Variants in PRDM1 observed in about 807,000 individuals in gnomAD.
The protein encoded by PRDM1 is PR/SET domain 1, also known as PR domain zinc finger protein 1.
Under a neutral mutation model 62.8 loss-of-function variants are expected in PRDM1, and 13 were observed. That is an observed-to-expected ratio of 0.21 (90% CI 0.13 to 0.33). The LOEUF (loss-of-function observed/expected upper bound fraction) is 0.33. PRDM1 is among the 10% of genes least tolerant of loss of function. PRDM1 has a pLI of 1.00. For synonymous variants in PRDM1, 396 were observed against 417.6 expected (o/e 0.95, Z 0.63); for missense variants, 895 against 1,058.8 (o/e 0.85, Z 2.15).
chr6:106,085,555 C>G (rs76023434), upstream of PRDM1, among the ~76,000 whole-genome samples: 3,782 of 152,240 alleles, frequency 0.025, 73 homozygotes, highest in Middle Eastern at 0.058. Context: ...ACTGACTGGG[C>G]TGGAGGAAAA....
chr6:106,069,865 A>G (rs1208419011), intron 1 of PRDM1, among the ~76,000 whole-genome samples: 1 of 152,108 alleles, frequency 6.6e-6, no homozygotes, highest in East Asian at 1.9e-4. Context: ...CTGTGTGTGC[A>G]TTTTTCACCT....
chr6:106,095,770 T>C lies in PRDM1; in HGVS notation c.411+36T>C, dbSNP rs1035464490. 4 of 1,608,018 alleles carry C rather than the reference T, an allele frequency of 2.5e-6. No individual in the cohort carries two copies. The South Asian group carries it at 4.4e-5, about 18-fold the overall frequency. On this transcript the variant is annotated intron_variant, in intron 3 of 6. Coordinates refer to ENST00000369096, the MANE Select transcript of PRDM1 (RefSeq NM_001198.4). ...GAAATTTCTTCAGACCCATTAAATG[T>C]TAGGAAAAAATGGAGCTAAAAGAGC...
intron 2 of PRDM1, 128 bp from the exon 3 acceptor site, chr6:106,095,487 C>G: frequency 9.6e-7 from 1 of 1,046,194 alleles, no homozygotes; most frequent in South Asian, 1.7e-5. Flanking sequence ...TCATTAATGT[C>G]TGTTTACTTA....
intron 1 of PRDM1, among the ~76,000 whole-genome samples, chr6:106,076,319 G>A (rs1773605632): frequency 6.6e-6 from 1 of 152,068 alleles, no homozygotes; most frequent in Non-Finnish European, 1.5e-5. Context: ...TGAAGTCTTA[G>A]GTGGCACTAA....
At chr6:106,076,672 G>A (rs1477284414) in intron 1 of PRDM1, among the ~76,000 whole-genome samples, 1 of 152,160 alleles carries the variant, frequency 6.6e-6, no homozygotes, top group African/African-American at 2.4e-5. Flanking sequence ...TACTTAAGAT[G>A]TACAACTGTT....
At chr6:106,068,149 T>C (rs2114598620) in intron 1 of PRDM1, among the ~76,000 whole-genome samples, 1 of 151,790 alleles carries the variant, frequency 6.6e-6, no homozygotes, top group South Asian at 2.1e-4. Flanking sequence ...TGAAGTGCAA[T>C]GGTGTGATCT....
rs60217130 is a variant in PRDM1 at position 106,107,677 on chromosome 6, C to CATATAT, written c.*208_*213dup. 12,453 of 197,880 alleles carry CATATAT rather than the reference C, an allele frequency of 0.063. 917 individuals carry two copies. The highest frequency in any genetic ancestry group is 0.2 in the African/African-American group (8,240 of 40,906). 12.3% of individuals were successfully genotyped at this position (197,880 alleles called of 1,614,324 possible). ...CTCAGGGCATGAACAAGGCAAAGGC[C>CATATAT]ATATATATATATATATATATATCTG... On this transcript the variant is annotated 3_prime_UTR_variant, in exon 7 of 7. Transcript: ENST00000369096.
rs1773860472 is a variant in PRDM1 at position 106,088,186 on chromosome 6, T to G, written c.43-15T>G. ...CGGGACAATGGGGATTAAAGGCCTT[T>G]CCTTTCTCTTCCAGGCTGCCCCCAA... On this transcript the variant is annotated splice_polypyrimidine_tract_variant and intron_variant, in intron 1 of 6. Transcript: ENST00000369096. 6.3e-7 allele frequency: 1 copy of G among 1,580,944 alleles called. No individual in the cohort carries two copies. Among genetic ancestry groups the G allele is most frequent in the South Asian group, 1.1e-5 (1 of 87,964 alleles).
At chr6:106,096,588 T>A (rs963433394) in intron 3 of PRDM1, among the ~76,000 whole-genome samples, 5 of 152,222 alleles carry the variant, frequency 3.3e-5, no homozygotes, top group Non-Finnish European at 7.3e-5. Flanking sequence ...GACAATAGGT[T>A]AATTATCTCA....
upstream of PRDM1, among the ~76,000 whole-genome samples, chr6:106,047,424 AGATG>A (rs1014329832): frequency 1.3e-5 from 2 of 152,256 alleles, no homozygotes; most frequent in Non-Finnish European, 2.9e-5. Context: ...GCCTGTAGAA[AGATG>A]GACAGACACA....
chr6:106,089,761 G>A (rs1773911406), intron 2 of PRDM1, among the ~76,000 whole-genome samples: 1 of 152,166 alleles, frequency 6.6e-6, no homozygotes, highest in African/African-American at 2.4e-5. Flanking sequence ...TGTGGCCCTT[G>A]GAATGAATGT....
At chr6:106,032,100 A>C (rs1256456929) in intron 1 of PRDM1, among the ~76,000 whole-genome samples, 1 of 152,238 alleles carries the variant, frequency 6.6e-6, no homozygotes, top group Non-Finnish European at 1.5e-5. Flanking sequence ...AAAAGAGAAG[A>C]AATGAACATT....
intron 2 of PRDM1, among the ~76,000 whole-genome samples, chr6:106,092,089 G>A (rs146747864): frequency 1.0e-3 from 146 of 146,246 alleles, no homozygotes; most frequent in African/African-American, 3.6e-3. Context: ...TCAAACCCAC[G>A]CTGTGTGTGT....
intron 1 of PRDM1, among the ~76,000 whole-genome samples, chr6:106,005,800 T>C (rs2114545849): frequency 6.6e-6 from 1 of 152,264 alleles, no homozygotes; most frequent in Admixed American, 6.5e-5. Context: ...ATACATGCAG[T>C]TCATGGGTTT....
intron 1 of PRDM1, among the ~76,000 whole-genome samples, chr6:106,078,938 A>T (rs1582453684): frequency 6.6e-6 from 1 of 151,768 alleles, no homozygotes; most frequent in Non-Finnish European, 1.5e-5. Context: ...GTTTTATTTT[A>T]AAAAAATTAT....
chr6:106,105,372 C>T lies in PRDM1; in HGVS notation c.1212C>T (p.Pro404=). The change falls in exon 5 of 7, where the codon CCC becomes CCT. Residue 404 remains proline (P), a synonymous_variant. Transcript: ENST00000369096. ...PLPHLPPAFI[P]SYNAHYPKFL... is the part of the protein sequence containing the mutation. ...CCCACCTCCCGCCAGCTTTCATCCCCTCGTACAACGCTCACTACCCCAAGT... is the reference window on the plus strand; with the variant it reads ...CCCACCTCCCGCCAGCTTTCATCCCTTCGTACAACGCTCACTACCCCAAGT... 2 of 1,614,104 alleles carry T rather than the reference C, an allele frequency of 1.2e-6. No individual in the cohort carries two copies. Among genetic ancestry groups the T allele is most frequent in the East Asian group, 2.2e-5 (1 of 44,874 alleles).
intron 4 of PRDM1, among the ~76,000 whole-genome samples, chr6:106,101,888 G>C (rs2114643717): frequency 6.6e-6 from 1 of 152,234 alleles, no homozygotes; most frequent in East Asian, 1.9e-4. Flanking sequence ...ATCACAAAAT[G>C]GCATTTTTCT....
intron 1 of PRDM1, among the ~76,000 whole-genome samples, chr6:105,998,427 A>G (rs1293332753): frequency 2.0e-5 from 3 of 152,202 alleles, no homozygotes; most frequent in Non-Finnish European, 2.9e-5. Context: ...CATACTTGAA[A>G]AAACTTTTTA....
At chr6:106,004,078 G>A (rs1472942710) in intron 1 of PRDM1, among the ~76,000 whole-genome samples, 2 of 152,082 alleles carry the variant, frequency 1.3e-5, no homozygotes, top group African/African-American at 4.8e-5. Flanking sequence ...ATATGGGAGT[G>A]TGTGTTTGCT....
Sources: gnomAD v4.1 joint callset for allele counts (sites outside exome capture counted in the v4.1 genomes callset) on GRCh38, gnomAD v4.1.1 for gene constraint, MANE v1.5 for transcripts, NCBI Gene and HGNC (gene_info 2026-07-23, HGNC 2026-07-21) for gene names.